The following ADAMTSL1 variants were observed in gnomAD, a reference collection of about 807,000 sequenced individuals.
The protein encoded by ADAMTSL1 is ADAMTS-like protein 1.
ADAMTSL1 carries 126 observed loss-of-function variants against 201.8 expected under a neutral mutation model. That is an observed-to-expected ratio of 0.62 (90% confidence interval 0.54 to 0.72). The LOEUF (loss-of-function observed/expected upper bound fraction) is 0.72. Ranked by LOEUF, ADAMTSL1 falls within the 30% of genes least tolerant of loss-of-function variation. ADAMTSL1 has a pLI of 0.00. For synonymous variants in ADAMTSL1, 1,121 were observed against 903.4 expected, an observed-to-expected ratio of 1.24 and a Z score of -4.32; for missense variants, 2,679 against 2,277.8, an observed-to-expected ratio of 1.18 and a Z score of -3.59.
intron 2 of ADAMTSL1, among the ~76,000 whole-genome samples, chr9:18,262,256 G>A (rs7870639): frequency 0.41 from 62,741 of 151,730 alleles, 13,278 homozygotes; most frequent in South Asian, 0.51. Context: ...TATATTAGGG[G>A]GTGGTGGAGA....
At chr9:18,160,177 T>G (rs779912108) in intron 1 of ADAMTSL1, among the ~76,000 whole-genome samples, 1 of 152,002 alleles carries the variant, frequency 6.6e-6, no homozygotes, top group Non-Finnish European at 1.5e-5. Context: ...TGGTGTGCCA[T>G]GAATCAGAAA....
upstream of ADAMTSL1, among the ~76,000 whole-genome samples, chr9:18,469,103 C>T (rs111913088): frequency 1.6e-3 from 240 of 152,306 alleles, 1 homozygote; most frequent in African/African-American, 5.5e-3. Flanking sequence ...AAAGCCTTTC[C>T]TTAGTTTCTT....
At chr9:18,314,942 G>A (rs1398079444) in intron 2 of ADAMTSL1, among the ~76,000 whole-genome samples, 4 of 150,518 alleles carry the variant, frequency 2.7e-5, no homozygotes, top group African/African-American at 9.8e-5. Context: ...GACTACAGGC[G>A]CCCGCTACCA....
intron 4 of ADAMTSL1, among the ~76,000 whole-genome samples, chr9:18,588,715 T>C (rs1357901791): frequency 1.3e-5 from 2 of 151,730 alleles, no homozygotes; most frequent in African/African-American, 4.8e-5. Flanking sequence ...GAAGAGACTA[T>C]TCCTTCCCCA....
chr9:18,531,198 G>C (rs1429031493), intron 2 of ADAMTSL1, among the ~76,000 whole-genome samples: 1 of 152,194 alleles, frequency 6.6e-6, no homozygotes, highest in Non-Finnish European at 1.5e-5. Flanking sequence ...ACATGGACCA[G>C]AGTACTCATG....
chr9:18,327,943 G>C (rs1470744400), intron 2 of ADAMTSL1, among the ~76,000 whole-genome samples: 7 of 151,966 alleles, frequency 4.6e-5, no homozygotes, highest in Non-Finnish European at 1.0e-4. Context: ...CCTGTTTTTT[G>C]TTTGTTTGTT....
chr9:18,374,282 G>T (rs1837184746), intron 2 of ADAMTSL1, among the ~76,000 whole-genome samples: 3 of 152,074 alleles, frequency 2.0e-5, no homozygotes, highest in Admixed American at 2.0e-4. Context: ...ACCAATAGGG[G>T]ACTATGCATT....
At chr9:18,604,931 T>G (rs1433061965) in intron 4 of ADAMTSL1, among the ~76,000 whole-genome samples, 3 of 152,230 alleles carry the variant, frequency 2.0e-5, no homozygotes, top group Non-Finnish European at 4.4e-5. Flanking sequence ...AGAGCATAGC[T>G]GCTGCAACTT....
chr9:18,541,039 A>G (rs531413192), intron 3 of ADAMTSL1, among the ~76,000 whole-genome samples: 66 of 152,232 alleles, frequency 4.3e-4, no homozygotes, highest in African/African-American at 1.6e-3. Context: ...CCCTCATACT[A>G]TATAACCTCC....
intron 15 of ADAMTSL1, among the ~76,000 whole-genome samples, chr9:18,747,593 A>G (rs1457279957): frequency 2.0e-5 from 3 of 152,176 alleles, no homozygotes; most frequent in African/African-American, 7.2e-5. Context: ...AGAGGATAAT[A>G]GTACCTATCT....
chr9:18,639,218 C>T (rs200080928), intron 6 of ADAMTSL1, 36 bp from the exon 7 acceptor site: 47 of 1,608,692 alleles, frequency 2.9e-5, no homozygotes, highest in East Asian at 4.5e-5. Context: ...GCCCTAGGAA[C>T]ATCTTTCTCT....
chr9:18,024,731 G>A (rs535551703), intron 1 of ADAMTSL1, among the ~76,000 whole-genome samples: 4 of 152,200 alleles, frequency 2.6e-5, no homozygotes, highest in African/African-American at 9.6e-5. Context: ...GAACGTACGA[G>A]TACGTGTGTC....
At chr9:18,575,484 A>C (rs1250358852) in intron 4 of ADAMTSL1, among the ~76,000 whole-genome samples, 1 of 152,192 alleles carries the variant, frequency 6.6e-6, no homozygotes, top group African/African-American at 2.4e-5. Context: ...ACATTCTAAA[A>C]AGCAATATAT....
intron 1 of ADAMTSL1, among the ~76,000 whole-genome samples, chr9:18,034,872 T>G (rs1011473385): frequency 2.6e-5 from 4 of 152,216 alleles, no homozygotes; most frequent in Non-Finnish European, 1.5e-5. Flanking sequence ...GCTGAATATT[T>G]CAGTCTTTCC....
chr9:18,153,382 T>G (rs975917269), intron 1 of ADAMTSL1, among the ~76,000 whole-genome samples: 2 of 152,098 alleles, frequency 1.3e-5, no homozygotes, highest in African/African-American at 4.8e-5. Context: ...AGCCTCTAAT[T>G]CTAAAATTTA....
chr9:18,186,693 T>C (rs1828749206), intron 2 of ADAMTSL1, among the ~76,000 whole-genome samples: 1 of 152,170 alleles, frequency 6.6e-6, no homozygotes, highest in African/African-American at 2.4e-5. Context: ...GCGGGATCTC[T>C]TTCTGTAATT....
At chr9:18,725,804 T>G (rs1023859155) in intron 15 of ADAMTSL1, among the ~76,000 whole-genome samples, 8 of 152,346 alleles carry the variant, frequency 5.3e-5, no homozygotes, top group African/African-American at 1.7e-4. Context: ...CAGATAGTTT[T>G]CTATGAATTT....
chr9:18,158,756 T>G (rs555372343), intron 1 of ADAMTSL1, among the ~76,000 whole-genome samples: 3 of 152,136 alleles, frequency 2.0e-5, no homozygotes, highest in Non-Finnish European at 2.9e-5. Flanking sequence ...TTTTAGTCCT[T>G]TGTGTGCATG....
intron 4 of ADAMTSL1, among the ~76,000 whole-genome samples, chr9:18,582,679 T>C (rs1823177546): frequency 6.6e-6 from 1 of 151,822 alleles, no homozygotes; most frequent in Non-Finnish European, 1.5e-5. Context: ...AAACCCCATC[T>C]CTACTTAAAA....
Sources: gnomAD v4.1 joint callset for allele counts (sites outside exome capture counted in the v4.1 genomes callset) on GRCh38, gnomAD v4.1.1 for gene constraint, MANE v1.5 for transcripts, NCBI Gene and HGNC (gene_info 2026-07-23, HGNC 2026-07-21) for gene names.